OSBPL1A: variants seen among roughly 807,000 people sequenced by gnomAD.
OSBPL1A encodes the protein oxysterol-binding protein-related protein 1.
Under a neutral mutation model 137.1 loss-of-function variants are expected in OSBPL1A, and 80 were observed. That is an observed-to-expected ratio of 0.58 (90% CI 0.49 to 0.70). The LOEUF (loss-of-function observed/expected upper bound fraction) is 0.70, where lower values mean the gene tolerates loss of function less well. Ranked by LOEUF, OSBPL1A falls within the 30% of genes least tolerant of loss-of-function variation. The pLI is 0.00. For synonymous variants in OSBPL1A, 365 were observed against 389.7 expected, an observed-to-expected ratio of 0.94 and a Z score of 0.75; for missense variants, 970 against 1,129.4, an observed-to-expected ratio of 0.86 and a Z score of 2.02.
At position 24,248,483 on chromosome 18, in the gene OSBPL1A, A is replaced by G. The variant is rs796910497; in HGVS notation, c.1282-9101T>C. ...TTCTTCAACCTGGTTCAAGCAAAGA[A>G]AAGGAAATGCCACTCAGAATGACCT... On this transcript the variant is annotated intron_variant, in intron 15 of 27. Transcript: ENST00000319481. Among the ~76,000 whole-genome samples, 8 of 152,312 alleles carry G rather than the reference A, an allele frequency of 5.3e-5. 1 individual carries two copies. Among genetic ancestry groups the G allele is most frequent in the African/African-American group, 1.9e-4 (8 of 41,572 alleles).
chr18:24,211,950 T>G (rs1275029690), intron 17 of OSBPL1A, among the ~76,000 whole-genome samples: 1 of 152,058 alleles, frequency 6.6e-6, no homozygotes, highest in Non-Finnish European at 1.5e-5. Flanking sequence ...ATTAACTACA[T>G]TTCAACTACT....
intron 13 of OSBPL1A, among the ~76,000 whole-genome samples, chr18:24,309,517 A>G (rs73394312): frequency 0.14 from 21,361 of 152,166 alleles, 2,421 homozygotes; most frequent in African/African-American, 0.31. Flanking sequence ...TTGTTAATTC[A>G]GATGATTTTA....
intron 14 of OSBPL1A, among the ~76,000 whole-genome samples, chr18:24,286,573 T>C (rs1163366828): frequency 6.6e-6 from 1 of 152,166 alleles, no homozygotes; most frequent in Non-Finnish European, 1.5e-5. Flanking sequence ...TGCATACTTT[T>C]AAAAAATATT....
intron 7 of OSBPL1A, among the ~76,000 whole-genome samples, chr18:24,321,203 T>G (rs1231600764): frequency 7.2e-5 from 11 of 152,130 alleles, no homozygotes; most frequent in Admixed American, 7.2e-4. Context: ...ATTTACTCAC[T>G]TAAACTGCAC....
intron 4 of OSBPL1A, among the ~76,000 whole-genome samples, chr18:24,351,357 A>AAAAAAAAAAAAAAAC (rs2091437514): frequency 6.7e-6 from 1 of 150,234 alleles, no homozygotes; most frequent in Non-Finnish European, 1.5e-5. Context: ...CAAAAAAAAA[A>AAAAAAAAAAAAAAAC]AAAAAAAAAA....
intron 24 of OSBPL1A, among the ~76,000 whole-genome samples, chr18:24,168,544 C>T (rs555455693): frequency 5.9e-5 from 9 of 152,270 alleles, no homozygotes; most frequent in African/African-American, 1.9e-4. Flanking sequence ...AGCAATCCCT[C>T]GAGGAGAGGT....
chr18:24,389,317 C>T (rs1377549397), intron 1 of OSBPL1A, among the ~76,000 whole-genome samples: 4 of 152,104 alleles, frequency 2.6e-5, no homozygotes, highest in African/African-American at 9.7e-5. Context: ...AGATAAGAGA[C>T]CATTTTTGCC....
At chr18:24,198,983 G>A (rs1357809502) in intron 17 of OSBPL1A, among the ~76,000 whole-genome samples, 12 of 151,036 alleles carry the variant, frequency 7.9e-5, no homozygotes, top group African/African-American at 1.7e-4. Context: ...TCAGCCTCCC[G>A]AGTAGCTGGG....
intron 12 of OSBPL1A, among the ~76,000 whole-genome samples, chr18:24,313,059 G>A (rs1373970359): frequency 1.3e-5 from 2 of 151,854 alleles, no homozygotes; most frequent in African/African-American, 2.4e-5. Context: ...GAAAGGCAGA[G>A]GTTGCAGTGA....
intron 1 of OSBPL1A, among the ~76,000 whole-genome samples, chr18:24,391,385 A>G (rs1410161945): frequency 6.6e-6 from 1 of 152,084 alleles, no homozygotes; most frequent in Non-Finnish European, 1.5e-5. Context: ...TAGCTGTACT[A>G]CAATGTGAAT....
chr18:24,269,849 C>T (rs1449206326), intron 15 of OSBPL1A, among the ~76,000 whole-genome samples: 3 of 142,082 alleles, frequency 2.1e-5, no homozygotes, highest in Non-Finnish European at 4.6e-5. Context: ...CATGACAAGC[C>T]TAACACACAC....
At chr18:24,277,775 A>G (rs973172437) in intron 15 of OSBPL1A, among the ~76,000 whole-genome samples, 3 of 152,240 alleles carry the variant, frequency 2.0e-5, no homozygotes, top group African/African-American at 7.2e-5. Context: ...GACTAACTTT[A>G]GAAATGCCAC....
chr18:24,164,466 TC>T (rs1283943065), intron 27 of OSBPL1A, among the ~76,000 whole-genome samples: 1 of 130,400 alleles, frequency 7.7e-6, no homozygotes, highest in Non-Finnish European at 1.6e-5. Flanking sequence ...TCTCGCTCTG[TC>T]GCCCAGGCTG....
At chr18:24,163,327 A>G (rs2086063931) in intron 27 of OSBPL1A, 46 bp from the exon 28 acceptor site, 3 of 1,384,912 alleles carry the variant, frequency 2.2e-6, no homozygotes, top group Non-Finnish European at 3.0e-6. Context: ...ACTATGGAAA[A>G]TCACAGGCTG....
At chr18:24,352,738 A>T (rs968387756) in intron 4 of OSBPL1A, among the ~76,000 whole-genome samples, 1 of 152,222 alleles carries the variant, frequency 6.6e-6, no homozygotes, top group African/African-American at 2.4e-5. Flanking sequence ...ATGGAACAGA[A>T]CAGAGTCCTC....
chr18:24,311,773 C>A (rs915891411), intron 13 of OSBPL1A, among the ~76,000 whole-genome samples: 1 of 152,218 alleles, frequency 6.6e-6, no homozygotes, highest in African/African-American at 2.4e-5. Context: ...GGCACATGTC[C>A]ATCTCATCAG....
At chr18:24,272,255 CTTTTTTT>C (rs1213099871) in intron 15 of OSBPL1A, 26 of 948,540 alleles carry the variant, frequency 2.7e-5, no homozygotes, top group Admixed American at 1.4e-4. Context: ...TTTCTTTTTT[CTTTTTTT>C]TTTTTTTTAA....
chr18:24,318,748 C>T lies in OSBPL1A; in HGVS notation c.687G>A (p.Lys229=), dbSNP rs1164951297. 1 of 1,611,882 alleles carries T rather than the reference C, an allele frequency of 6.2e-7. No homozygotes were observed. Among genetic ancestry groups the T allele is most frequent in the African/African-American group, 1.3e-5 (1 of 74,794 alleles). ...ATAAATTTAATTCATTACTCTGTAC[C>T]TTATTACCAACAAGAATGTGTTTCA... ...AEMKHILVGN[K]VIYKALKRYE... Residue 229 remains lysine, a splice_region_variant and synonymous_variant, in exon 8 of 28, where the codon AAG becomes AAA. Coordinates refer to ENST00000319481, the MANE Select transcript of OSBPL1A (RefSeq NM_080597.4).
chr18:24,314,061 C>T (rs1034309672), intron 12 of OSBPL1A, among the ~76,000 whole-genome samples, 188 bp downstream of exon 12: 7 of 152,142 alleles, frequency 4.6e-5, no homozygotes, highest in Non-Finnish European at 1.0e-4. Context: ...GCTGAGATCG[C>T]GCCACTGCAC....
Sources: gnomAD v4.1 joint callset for allele counts (sites outside exome capture counted in the v4.1 genomes callset) on GRCh38, gnomAD v4.1.1 for gene constraint, MANE v1.5 for transcripts, NCBI Gene and HGNC (gene_info 2026-07-23, HGNC 2026-07-21) for gene names.